Variants in TRIML1 observed in about 807,000 individuals in gnomAD.
The protein encoded by TRIML1 is probable E3 ubiquitin-protein ligase TRIML1.
TRIML1 carries 34 observed loss-of-function variants against 32.3 expected under a neutral mutation model. The ratio of observed to expected loss-of-function variants is 1.05; its 90% CI spans 0.80 to 1.40. The LOEUF is 1.40. TRIML1 is among the 40% of genes most tolerant of loss of function. The pLI, the probability that TRIML1 is intolerant of heterozygous loss-of-function variation, is 0.00. For missense variants in TRIML1, 595 were observed against 574.9 expected, an observed-to-expected ratio of 1.03 and a Z score of -0.36; for synonymous variants, 244 against 226.6, an observed-to-expected ratio of 1.08 and a Z score of -0.69.
chr4:188,146,344 C>T (rs545337696), intron 5 of TRIML1, among the ~76,000 whole-genome samples: 3 of 152,306 alleles, frequency 2.0e-5, no homozygotes, highest in South Asian at 2.1e-4. Flanking sequence ...TCTCTGTCTC[C>T]ATTTAGAGCT....
chr4:188,146,933 G>T lies in TRIML1; in HGVS notation c.968G>T (p.Arg323Ile). Residue 323 changes from arginine (R) to isoleucine (I), a missense_variant, in exon 6 of 6, where the codon AGA becomes ATA. Coordinates refer to ENST00000332517, the MANE Select transcript of TRIML1 (RefSeq NM_178556.5). ...CAGCAGCTACCCGACAACCCGGAAA[G>T]ATTTGACCAGTCTGCGACTGTGCTG... ...SRQQLPDNPE[R>I]FDQSATVLGT... 1.3e-6 allele frequency: 2 copies of T among 1,504,366 alleles called. No homozygotes were observed. Among genetic ancestry groups the T allele is most frequent in the East Asian group, 2.3e-5 (1 of 43,186 alleles). 93.2% of individuals were successfully genotyped at this position (1,504,366 alleles called of 1,614,324 possible).
chr4:188,148,461 T>C (rs1294633280), downstream of TRIML1, among the ~76,000 whole-genome samples: 4 of 150,048 alleles, frequency 2.7e-5, no homozygotes, highest in African/African-American at 9.8e-5. Context: ...TCCATTGCAC[T>C]CCACCCTGGG....
chr4:188,141,972 C>T (rs62354302), intron 2 of TRIML1, among the ~76,000 whole-genome samples: 1 of 151,670 alleles, frequency 6.6e-6, no homozygotes, highest in African/African-American at 2.4e-5. Context: ...ATTAGCTGGG[C>T]GTGGTGGCAC....
upstream of TRIML1, among the ~76,000 whole-genome samples, chr4:188,138,771 GA>G (rs1366662039): frequency 2.7e-5 from 2 of 72,928 alleles, no homozygotes; most frequent in Non-Finnish European, 8.5e-5. Flanking sequence ...TCCATAGTGG[GA>G]TAGCCTCTTG....
chr4:188,147,175 G>A lies in TRIML1; in HGVS notation c.1210G>A (p.Val404Met). ...PLKGQHVREP[V>M]CKVGVFLDYE... ...GAAAGGTCAGCACGTCAGAGAGCCT[G>A]TGTGTAAGGTTGGTGTCTTCCTGGA... The change falls in exon 6 of 6, where the codon GTG becomes ATG. Residue 404 changes from valine (V) to methionine (M), a missense_variant. Val to Met is a conservative substitution (Grantham distance 21). Transcript: ENST00000332517. 1 of 1,614,058 alleles carries A rather than the reference G, an allele frequency of 6.2e-7. No homozygotes were observed. Among genetic ancestry groups the A allele is most frequent in the Non-Finnish European group, 8.5e-7 (1 of 1,180,008 alleles).
intron 5 of TRIML1, among the ~76,000 whole-genome samples, chr4:188,144,891 C>T (rs1735012471): frequency 6.6e-6 from 1 of 152,130 alleles, no homozygotes; most frequent in Admixed American, 6.5e-5. Flanking sequence ...AGGATTAGTT[C>T]TCAGCTTTTA....
intron 5 of TRIML1, among the ~76,000 whole-genome samples, chr4:188,145,441 CAAAAAAAAAAAAAAAA>C (rs869253721): frequency 2.9e-5 from 1 of 34,320 alleles, no homozygotes; most frequent in Non-Finnish European, 4.8e-5. Context: ...GACTCCGTCT[CAAAAAAAAAAAAAAAA>C]AAAAAAAAAA....
intron 2 of TRIML1, among the ~76,000 whole-genome samples, chr4:188,141,315 G>A (rs1734846657): frequency 6.6e-6 from 1 of 151,816 alleles, no homozygotes; most frequent in Non-Finnish European, 1.5e-5. Flanking sequence ...TTACAGACGT[G>A]TGCCACCATG....
chr4:188,140,786 T>C, intron 2 of TRIML1, 163 bp downstream of exon 2: 1 of 586,618 alleles, frequency 1.7e-6, no homozygotes. Flanking sequence ...AGCGTCCTCG[T>C]GGGAGTCTCA....
At chr4:188,144,376 T>TC (rs1734979107) in intron 5 of TRIML1, among the ~76,000 whole-genome samples, 2 of 150,762 alleles carry the variant, frequency 1.3e-5, no homozygotes, top group Non-Finnish European at 3.0e-5. Flanking sequence ...TTTTTTTTTT[T>TC]CTTTGAGACG....
At chr4:188,144,215 A>G (rs546996202) in intron 5 of TRIML1, 82 bp downstream of exon 5, 1 of 1,219,416 alleles carries the variant, frequency 8.2e-7, no homozygotes, top group Admixed American at 2.0e-5. Context: ...GACATTCACG[A>G]TCTGACACGA....
intron 3 of TRIML1, chr4:188,143,554 A>C: frequency 2.2e-6 from 1 of 455,666 alleles, no homozygotes; most frequent in African/African-American, 2.0e-5. Flanking sequence ...ATCGAGACTA[A>C]CAGGTTGGCT....
At chr4:188,142,637 G>A (rs1305330322) in intron 3 of TRIML1, among the ~76,000 whole-genome samples, 155 bp downstream of exon 3, 1 of 149,648 alleles carries the variant, frequency 6.7e-6, no homozygotes, top group East Asian at 2.0e-4. Flanking sequence ...TGTCAATAAA[G>A]CCTTATAGAA....
chr4:188,141,164 T>TG (rs1734837991), intron 2 of TRIML1, among the ~76,000 whole-genome samples: 1 of 127,174 alleles, frequency 7.9e-6, no homozygotes, highest in South Asian at 3.0e-4. Flanking sequence ...CTTTGAAATC[T>TG]GTTTTTTTTT....
In TRIML1 at chr4:188,140,633, T is replaced by A. The variant is rs370775791; in HGVS notation, c.504+10T>A. The A allele has an allele frequency of 3.1e-6, 5 of 1,605,666 alleles. No individual in the cohort carries two copies. The highest frequency in any genetic ancestry group is 1.7e-5 in the Admixed American group (1 of 59,960). Reference sequence around the variant, plus strand: ...AGTGAAACTGTGCCAGGTCGGTGTCTGTCTGACTTTTGCTGCTTGTATATG... The same window carrying A: ...AGTGAAACTGTGCCAGGTCGGTGTCAGTCTGACTTTTGCTGCTTGTATATG... On this transcript the variant is annotated intron_variant, in intron 2 of 5. Coordinates refer to ENST00000332517, the MANE Select transcript of TRIML1 (RefSeq NM_178556.5).
Position 188,140,525 on chromosome 4 carries a change from C to T in TRIML1, c.409-3C>T, listed in dbSNP as rs776569510. 1.2e-6 allele frequency: 2 copies of T among 1,609,256 alleles called. No individual in the cohort carries two copies. The highest frequency in any genetic ancestry group is 1.7e-6 in the Non-Finnish European group (2 of 1,176,176). The stretch of plus-strand genomic sequence containing the variant: ...TGCCAGAAAGGGTTTGTTTCTATTG[C>T]AGGAGAAACTCCAGGAAATCCTGAA... On this transcript the variant is annotated splice_region_variant and splice_polypyrimidine_tract_variant and intron_variant, in intron 1 of 5. Coordinates refer to ENST00000332517, the MANE Select transcript of TRIML1 (RefSeq NM_178556.5).
downstream of TRIML1, among the ~76,000 whole-genome samples, chr4:188,150,457 G>A (rs1271117298): frequency 6.6e-6 from 1 of 152,168 alleles, no homozygotes; most frequent in African/African-American, 2.4e-5. Context: ...TTTATATCTT[G>A]ATTTCTCACC....
downstream of TRIML1, among the ~76,000 whole-genome samples, chr4:188,150,116 T>C (rs1442807265): frequency 1.3e-5 from 2 of 149,344 alleles, no homozygotes; most frequent in Non-Finnish European, 3.0e-5. Flanking sequence ...ATTTTATTTA[T>C]TTTTAAAAAT....
At chr4:188,140,301 T>C (rs911423117) in intron 1 of TRIML1, among the ~76,000 whole-genome samples, 5 of 152,056 alleles carry the variant, frequency 3.3e-5, no homozygotes, top group Admixed American at 6.6e-5. Context: ...TTTGTATTTT[T>C]AATAGAGACG....
Sources: gnomAD v4.1 joint callset for allele counts (sites outside exome capture counted in the v4.1 genomes callset) on GRCh38, gnomAD v4.1.1 for gene constraint, MANE v1.5 for transcripts, NCBI Gene and HGNC (gene_info 2026-07-23, HGNC 2026-07-21) for gene names.